PCMT1: variants seen among roughly 807,000 people sequenced by gnomAD.
PCMT1 encodes protein-L-isoaspartate(D-aspartate) O-methyltransferase.
A neutral mutation model predicts 29.2 loss-of-function variants in PCMT1; 9 were observed. The observed-to-expected ratio is 0.31, with a 90% CI of 0.19 to 0.54. The LOEUF (loss-of-function observed/expected upper bound fraction) is 0.54, where lower values mean the gene tolerates loss of function less well. PCMT1 is among the 20% of genes least tolerant of loss of function. The pLI, the probability that PCMT1 is intolerant of heterozygous loss-of-function variation, is 0.95. For missense variants in PCMT1, 184 were observed against 282.2 expected (o/e 0.65, Z 2.49); for synonymous variants, 98 against 97.5 (o/e 1.00, Z -0.03).
At chr6:149,780,882 C>T (rs1475906295) in intron 3 of PCMT1, among the ~76,000 whole-genome samples, 1 of 152,120 alleles carries the variant, frequency 6.6e-6, no homozygotes, top group Non-Finnish European at 1.5e-5. Context: ...ATTACCAGAT[C>T]ATATATGAAA....
At chr6:149,751,419 TAGAC>T (rs1271415808) in intron 1 of PCMT1, among the ~76,000 whole-genome samples, 2 of 151,750 alleles carry the variant, frequency 1.3e-5, no homozygotes, top group Non-Finnish European at 2.9e-5. Flanking sequence ...AAATCTGTGC[TAGAC>T]AGACAAAGGT....
chr6:149,753,033 AGTT>A (rs1384873837), intron 1 of PCMT1, among the ~76,000 whole-genome samples: 3 of 152,194 alleles, frequency 2.0e-5, no homozygotes, highest in Non-Finnish European at 4.4e-5. Context: ...AGAGTAGAAT[AGTT>A]GTTTAGCCTC....
intron 1 of PCMT1, among the ~76,000 whole-genome samples, chr6:149,752,041 T>TTTTG (rs1355523934): frequency 3.3e-5 from 5 of 149,982 alleles, no homozygotes; most frequent in Non-Finnish European, 3.0e-5. Context: ...TTAGGGTTTT[T>TTTTG]TTTTTTTTTT....
rs533003108 is a variant in PCMT1 at position 149,772,144 on chromosome 6, C to T, written c.160+878C>T. 2.4e-4 allele frequency: 109 copies of T among 456,376 alleles called. 2 individuals carry two copies. Among genetic ancestry groups the T allele is most frequent in the Middle Eastern group, 1.0e-3 (3 of 3,008 alleles). The allele number at this position is 456,376 out of a possible 1,614,324, so 28.3% of individuals were successfully genotyped here. Reference sequence around the variant, plus strand: ...CGGCTGCCATGCTATCTTCTTTTGACGCACTATAACAGTCAGCAGAGAAGA... The same window carrying T: ...CGGCTGCCATGCTATCTTCTTTTGATGCACTATAACAGTCAGCAGAGAAGA... On this transcript the variant is annotated intron_variant, in intron 2 of 7. Coordinates refer to ENST00000464889, the MANE Select transcript of PCMT1 (RefSeq NM_001360452.2).
intron 1 of PCMT1, among the ~76,000 whole-genome samples, chr6:149,761,658 A>G (rs946523678): frequency 3.9e-5 from 6 of 152,120 alleles, no homozygotes; most frequent in Non-Finnish European, 7.4e-5. Context: ...ACTTTAAGTA[A>G]TAGACTTTAA....
At chr6:149,765,650 T>G (rs886306098) in intron 1 of PCMT1, 2 of 375,824 alleles carry the variant, frequency 5.3e-6, no homozygotes, top group Non-Finnish European at 1.0e-5. Context: ...ATTGACCTTA[T>G]TTTTTTATTT....
chr6:149,799,033 A>G (rs2115332501), intron 6 of PCMT1: 1 of 152,324 alleles, frequency 6.6e-6, no homozygotes, highest in Non-Finnish European at 1.5e-5. Context: ...GAAAGCCTCT[A>G]GAGGCCAGGT....
At chr6:149,785,081 ATTTG>A in intron 3 of PCMT1, among the ~76,000 whole-genome samples, 1 of 150,886 alleles carries the variant, frequency 6.6e-6, no homozygotes, top group South Asian at 2.1e-4. Flanking sequence ...TTTAAATGCC[ATTTG>A]TTTATTGACT....
intron 2 of PCMT1, 132 bp from the exon 3 acceptor site, chr6:149,773,006 G>C (rs1787398049): frequency 4.5e-6 from 3 of 662,514 alleles, no homozygotes; most frequent in Non-Finnish European, 4.8e-6. Context: ...GACACAGTGA[G>C]ACTGTCTCAG....
chr6:149,764,627 G>C (rs1021243708), intron 1 of PCMT1, among the ~76,000 whole-genome samples: 1 of 152,076 alleles, frequency 6.6e-6, no homozygotes, highest in African/African-American at 2.4e-5. Context: ...GTAGGCCTAG[G>C]TGTTGGGGTG....
rs1786924633 is a variant in PCMT1 at position 149,763,230 on chromosome 6, C to CTATGATATCTATGATATAAA, written c.56-7914_56-7913insAATATGATATCTATGATATA. ...TCTATGATATCTATGATATAAATAT[C>CTATGATATCTATGATATAAA]TATGATATCTATGATATATATATCT... On this transcript the variant is annotated intron_variant, in intron 1 of 7. Transcript: ENST00000464889. Among the ~76,000 whole-genome samples the CTATGATATCTATGATATAAA allele has an allele frequency of 3.8e-5, 2 of 52,326 alleles. 1 individual carries two copies. The highest frequency in any genetic ancestry group is 5.6e-5 in the Non-Finnish European group (2 of 35,496). The allele number at this position is 52,326 out of a possible 152,430, so 34.3% of individuals were successfully genotyped here. A position where few individuals can be genotyped will look rare whatever the true frequency, so the allele number is the denominator to read the frequency against.
chr6:149,758,080 CACCATGTTG>C (rs1562395359), intron 1 of PCMT1, among the ~76,000 whole-genome samples: 2 of 151,916 alleles, frequency 1.3e-5, no homozygotes, highest in African/African-American at 4.8e-5. Context: ...GATGGGGTTT[CACCATGTTG>C]GCCAGGATGG....
chr6:149,802,434 T>C lies in PCMT1; in HGVS notation c.*37+18T>C. On this transcript the variant is annotated intron_variant, in intron 7 of 7. Transcript: ENST00000464889. ...CATGCAAGGTGAAAGGGTGTGGATT[T>C]TAAGACATTAGACTACAAGAGCTGT... 6.6e-7 allele frequency: 1 copy of C among 1,518,446 alleles called. No individual in the cohort carries two copies. The highest frequency in any genetic ancestry group is 8.9e-7 in the Non-Finnish European group (1 of 1,127,954). The allele number at this position is 1,518,446 out of a possible 1,614,324, so 94.1% of individuals were successfully genotyped here. A position where few individuals can be genotyped will look rare whatever the true frequency, so the allele number is the denominator to read the frequency against.
chr6:149,789,351 C>T (rs1451797839), intron 3 of PCMT1, among the ~76,000 whole-genome samples: 1 of 152,006 alleles, frequency 6.6e-6, no homozygotes, highest in African/African-American at 2.4e-5. Flanking sequence ...GCTGGAATGT[C>T]AGGCCTGAGC....
chr6:149,786,774 G>A (rs1788114558), intron 3 of PCMT1, among the ~76,000 whole-genome samples: 1 of 150,248 alleles, frequency 6.7e-6, no homozygotes, highest in African/African-American at 2.5e-5. Context: ...GAGCAGAGAC[G>A]CTCCTCACTT....
intron 1 of PCMT1, among the ~76,000 whole-genome samples, chr6:149,766,563 GT>G (rs1419557904): frequency 1.3e-5 from 2 of 152,156 alleles, no homozygotes; most frequent in Non-Finnish European, 2.9e-5. Flanking sequence ...CTGCTGCCTG[GT>G]TTTATAAATT....
At position 149,781,947 on chromosome 6, in the gene PCMT1, T is replaced by A. The variant is rs138817001; in HGVS notation, c.193-8007T>A. Among the ~76,000 whole-genome samples, 443 of 152,322 alleles carry A rather than the reference T, an allele frequency of 2.9e-3. 1 individual carries two copies. The highest frequency in any genetic ancestry group is 0.01 in the African/African-American group (419 of 41,562). On this transcript the variant is annotated intron_variant, in intron 3 of 7. Transcript: ENST00000464889. Reference sequence around the variant, plus strand: ...CCCTGGCAACCACCATTCTATTTTCTGTTTCTATGAATTTGGTTCCTCTAG... The same window carrying A: ...CCCTGGCAACCACCATTCTATTTTCAGTTTCTATGAATTTGGTTCCTCTAG...
In PCMT1 at chr6:149,809,118, G is replaced by C. The variant is rs114415703; in HGVS notation, c.*38-1498G>C. The stretch of plus-strand genomic sequence containing the variant: ...AATAATACAAAAAAAATTTAGCCGG[G>C]TATGGTGGTGCCTGCCTGTAATCCC... On this transcript the variant is annotated intron_variant, in intron 7 of 7. Coordinates refer to ENST00000464889, the MANE Select transcript of PCMT1 (RefSeq NM_001360452.2). Among the ~76,000 whole-genome samples the C allele has an allele frequency of 4.9e-3, 732 of 149,998 alleles. 5 individuals carry two copies. Among genetic ancestry groups the C allele is most frequent in the African/African-American group, 0.017 (686 of 41,196 alleles).
chr6:149,808,668 G>A (rs1290070191), intron 7 of PCMT1, among the ~76,000 whole-genome samples: 5 of 151,900 alleles, frequency 3.3e-5, no homozygotes, highest in South Asian at 2.1e-4. Context: ...ATGGAGTCTC[G>A]CTCTGTCGCT....
Sources: gnomAD v4.1 joint callset for allele counts (sites outside exome capture counted in the v4.1 genomes callset) on GRCh38, gnomAD v4.1.1 for gene constraint, MANE v1.5 for transcripts, NCBI Gene and HGNC (gene_info 2026-07-23, HGNC 2026-07-21) for gene names.